TYW1: variants seen among roughly 807,000 people sequenced by gnomAD.
TYW1 encodes the protein S-adenosyl-L-methionine-dependent tRNA 4-demethylwyosine synthase TYW1.
Under a neutral mutation model 96.2 loss-of-function variants are expected in TYW1, and 46 were observed. That is an observed-to-expected ratio of 0.48 (90% CI 0.38 to 0.61). TYW1 has a LOEUF of 0.61. Ranked by LOEUF, TYW1 falls within the 20% of genes least tolerant of loss-of-function variation. The probability of loss-of-function intolerance (pLI) is 0.00; values close to 1 mark genes in which losing one functional copy is unlikely to be tolerated. For synonymous variants in TYW1, 274 were observed against 323.0 expected (o/e 0.85, Z 1.63); for missense variants, 684 against 909.6 (o/e 0.75, Z 3.19).
chr7:67,053,598 T>A (rs1168591599), intron 8 of TYW1, among the ~76,000 whole-genome samples: 2 of 152,164 alleles, frequency 1.3e-5, no homozygotes, highest in African/African-American at 4.8e-5. Flanking sequence ...CAGACTGTTC[T>A]CAAACTCCTG....
chr7:67,159,452 CATT>C (rs1465237184), intron 13 of TYW1, among the ~76,000 whole-genome samples: 1 of 152,170 alleles, frequency 6.6e-6, no homozygotes, highest in Non-Finnish European at 1.5e-5. Context: ...AATATTTCAT[CATT>C]ATCAGCTTTA....
chr7:67,011,526 C>T (rs1413357163), intron 4 of TYW1, among the ~76,000 whole-genome samples: 1 of 152,246 alleles, frequency 6.6e-6, no homozygotes, highest in Non-Finnish European at 1.5e-5. Flanking sequence ...CTTAGCCTAG[C>T]TGCATCGTAG....
intron 13 of TYW1, among the ~76,000 whole-genome samples, chr7:67,118,599 A>G (rs1797668669): frequency 6.6e-6 from 1 of 151,996 alleles, no homozygotes; most frequent in Non-Finnish European, 1.5e-5. Flanking sequence ...ACCACCTTAA[A>G]AGAGGCGTCT....
chr7:67,151,349 C>T (rs1798793210), intron 13 of TYW1, among the ~76,000 whole-genome samples: 1 of 152,028 alleles, frequency 6.6e-6, no homozygotes, highest in East Asian at 1.9e-4. Context: ...GTGCCTGGCT[C>T]ACCATTAGAA....
At chr7:67,153,120 C>G (rs1352008704) in intron 13 of TYW1, among the ~76,000 whole-genome samples, 1 of 152,108 alleles carries the variant, frequency 6.6e-6, no homozygotes, top group East Asian at 1.9e-4. Context: ...GGCTTTCTTC[C>G]TAATGATTAA....
intron 7 of TYW1, among the ~76,000 whole-genome samples, chr7:67,032,600 G>A (rs543188038): frequency 6.6e-6 from 1 of 152,224 alleles, no homozygotes; most frequent in African/African-American, 2.4e-5. Context: ...CAGTCTGGGC[G>A]ATGGGAGTTA....
chr7:67,024,119 G>A (rs1794369108), intron 6 of TYW1, among the ~76,000 whole-genome samples: 1 of 152,086 alleles, frequency 6.6e-6, no homozygotes, highest in Non-Finnish European at 1.5e-5. Context: ...TGAAGTGTTA[G>A]TTGTTCCCAC....
chr7:67,215,308 C>G (rs1801167282), intron 15 of TYW1, among the ~76,000 whole-genome samples: 1 of 152,068 alleles, frequency 6.6e-6, no homozygotes, highest in Admixed American at 6.6e-5. Flanking sequence ...TCACAAGTCC[C>G]AAATTCTCAA....
chr7:67,016,552 A>T (rs1450288376), intron 5 of TYW1, among the ~76,000 whole-genome samples: 4 of 152,168 alleles, frequency 2.6e-5, no homozygotes, highest in Non-Finnish European at 5.9e-5. Flanking sequence ...TGTCTCAAAA[A>T]AAATAAATAA....
chr7:67,184,632 ATTTTATTTTAT>A (rs1283170265), intron 14 of TYW1, among the ~76,000 whole-genome samples: 311 of 86,952 alleles, frequency 3.6e-3, no homozygotes, highest in East Asian at 5.0e-3. Flanking sequence ...ATTTTATTTT[ATTTTATTTTAT>A]TTTATTTATG....
chr7:67,068,226 T>G (rs1158735141), intron 10 of TYW1, among the ~76,000 whole-genome samples: 1 of 152,200 alleles, frequency 6.6e-6, no homozygotes, highest in Non-Finnish European at 1.5e-5. Context: ...TTCACCATGT[T>G]GGCCAGGCTG....
At chr7:67,092,476 G>A (rs1796753821) in intron 11 of TYW1, among the ~76,000 whole-genome samples, 1 of 152,012 alleles carries the variant, frequency 6.6e-6, no homozygotes, top group Non-Finnish European at 1.5e-5. Flanking sequence ...CCACCTTGGG[G>A]TCTTTTCTCC....
Position 67,073,825 on chromosome 7 carries a change from A to G in TYW1, c.1274+6422A>G, listed in dbSNP as rs1796119437. ...TGGCCAGGCGCGGTTGCTCACGCCC[A>G]TAATCCCAGCACTTCGGGAGGCTGA... On this transcript the variant is annotated intron_variant, in intron 10 of 15. Coordinates refer to ENST00000359626, the MANE Select transcript of TYW1 (RefSeq NM_018264.4). Among the ~76,000 whole-genome samples the G allele has an allele frequency of 3.5e-5, 5 of 144,840 alleles. No homozygotes were observed. In the South Asian group the frequency reaches 1.1e-3, roughly 33 times the overall value.
chr7:67,059,100 T>G (rs1795616725), intron 9 of TYW1, among the ~76,000 whole-genome samples: 1 of 148,740 alleles, frequency 6.7e-6, no homozygotes, highest in South Asian at 2.2e-4. Context: ...GACAAAGTTT[T>G]TTTTTTTTTT....
chr7:67,005,721 A>C (rs1435761225), intron 3 of TYW1, among the ~76,000 whole-genome samples: 1 of 152,166 alleles, frequency 6.6e-6, no homozygotes, highest in Non-Finnish European at 1.5e-5. Flanking sequence ...CAACTCAGCA[A>C]CCTCAGTGAC....
chr7:67,112,089 ACT>A (rs1320611047), intron 12 of TYW1, among the ~76,000 whole-genome samples: 1 of 124,784 alleles, frequency 8.0e-6, no homozygotes, highest in Non-Finnish European at 1.6e-5. Context: ...ACAGAGCGAG[ACT>A]CTGTCTGACA....
chr7:67,166,374 A>C (rs1799331040), intron 13 of TYW1, among the ~76,000 whole-genome samples: 1 of 145,414 alleles, frequency 6.9e-6, no homozygotes, highest in African/African-American at 2.5e-5. Flanking sequence ...TATATACATG[A>C]TTTTTAATAA....
At chr7:67,176,800 C>T (rs1584657710) in intron 13 of TYW1, among the ~76,000 whole-genome samples, 1 of 152,100 alleles carries the variant, frequency 6.6e-6, no homozygotes, top group African/African-American at 2.4e-5. Flanking sequence ...TCAACATTGG[C>T]ACCATCGACA....
intron 3 of TYW1, among the ~76,000 whole-genome samples, chr7:67,007,231 A>C (rs571964456): frequency 3.2e-4 from 49 of 152,038 alleles, no homozygotes; most frequent in Non-Finnish European, 6.2e-4. Context: ...AACCAATTGG[A>C]AGCCTCCCAA....
Sources: gnomAD v4.1 joint callset for allele counts (sites outside exome capture counted in the v4.1 genomes callset) on GRCh38, gnomAD v4.1.1 for gene constraint, MANE v1.5 for transcripts, NCBI Gene and HGNC (gene_info 2026-07-23, HGNC 2026-07-21) for gene names.